Variants in UGT1A8 observed in about 807,000 individuals in gnomAD.
UGT1A8 encodes UDP glucuronosyltransferase family 1 member A8.
A neutral mutation model predicts 45.3 loss-of-function variants in UGT1A8; 39 were observed. The observed-to-expected ratio is 0.86, with a 90% CI of 0.67 to 1.12. UGT1A8 has a LOEUF of 1.12. Ranked by LOEUF, UGT1A8 falls within the 50% of genes most tolerant of loss-of-function variation. The pLI is 0.00. For missense variants in UGT1A8, 719 were observed against 664.9 expected, an observed-to-expected ratio of 1.08 and a Z score of -0.90; for synonymous variants, 275 against 249.2, an observed-to-expected ratio of 1.10 and a Z score of -0.97.
At chr2:233,634,511 G>A (rs2073243705) in intron 1 of UGT1A8, among the ~76,000 whole-genome samples, 1 of 152,100 alleles carries the variant, frequency 6.6e-6, no homozygotes, top group Non-Finnish European at 1.5e-5. Context: ...TATATATTTA[G>A]GATGGTTAGC....
At chr2:233,641,857 C>T (rs572016752) in intron 1 of UGT1A8, among the ~76,000 whole-genome samples, 2 of 152,162 alleles carry the variant, frequency 1.3e-5, no homozygotes, top group Non-Finnish European at 2.9e-5. Flanking sequence ...AAGGGTTCCA[C>T]TGAAAAGGCT....
intron 1 of UGT1A8, among the ~76,000 whole-genome samples, chr2:233,674,271 G>T (rs1321393830): frequency 6.6e-6 from 1 of 152,186 alleles, no homozygotes. Context: ...GACTACAGTT[G>T]TAGGCCTTTC....
intron 1 of UGT1A8, among the ~76,000 whole-genome samples, chr2:233,715,240 A>T (rs2076440317): frequency 6.6e-6 from 1 of 152,092 alleles, no homozygotes; most frequent in African/African-American, 2.4e-5. Flanking sequence ...TCTGTGAAGG[A>T]TGTCTTTTAA....
intron 1 of UGT1A8, chr2:233,693,983 G>A (rs1179737646): frequency 9.7e-6 from 15 of 1,552,110 alleles, no homozygotes; most frequent in African/African-American, 1.4e-5. Context: ...ACGGTGGGGG[G>A]AAGTGATACC....
chr2:233,695,229 G>A (rs1218832857), intron 1 of UGT1A8, among the ~76,000 whole-genome samples: 1 of 151,334 alleles, frequency 6.6e-6, no homozygotes. Context: ...GGGTTCAAGC[G>A]ATTCTCCTGC....
rs537974224 is a variant in UGT1A8 at position 233,641,434 on chromosome 2, A to T, written c.855+22872A>T. On this transcript the variant is annotated intron_variant, in intron 1 of 4. Transcript: ENST00000373450. ...GCTCCCTACTTTTTAACTCTTTGTG[A>T]TTTTCATTTATATCTTGTTGTACTG... 2.1e-4 allele frequency among the ~76,000 whole-genome samples: 32 copies of T among 152,172 alleles called. No homozygotes were observed. In the South Asian group the frequency reaches 6.4e-3, roughly 31 times the overall value.
At chr2:233,720,989 G>A (rs570345451) in intron 1 of UGT1A8, among the ~76,000 whole-genome samples, 1 of 151,692 alleles carries the variant, frequency 6.6e-6, no homozygotes, top group Non-Finnish European at 1.5e-5. Flanking sequence ...GGGATTACAG[G>A]CAAGAGCCAC....
intron 1 of UGT1A8, chr2:233,690,481 G>C (rs1415950163): frequency 7.8e-7 from 1 of 1,288,704 alleles, no homozygotes; most frequent in Non-Finnish European, 1.0e-6. Flanking sequence ...TACTTTTTGG[G>C]AAATCTGCTC....
At chr2:233,743,723 T>C (rs1252847371) in intron 1 of UGT1A8, 5 of 1,367,380 alleles carry the variant, frequency 3.7e-6, no homozygotes, top group South Asian at 2.3e-5. Flanking sequence ...ATAGCGGTCA[T>C]AGATATCGCG....
chr2:233,772,230 T>C (rs1167373810), intron 4 of UGT1A8, 32 bp from the exon 5 acceptor site: 1 of 1,613,798 alleles, frequency 6.2e-7, no homozygotes. Flanking sequence ...CCACAGGTGT[T>C]CCAGGCATAA....
chr2:233,675,199 C>T (rs571502829), intron 1 of UGT1A8, among the ~76,000 whole-genome samples: 5 of 152,178 alleles, frequency 3.3e-5, no homozygotes, highest in South Asian at 2.1e-4. Flanking sequence ...CAGATGGCCC[C>T]GTCTTCAATG....
intron 1 of UGT1A8, chr2:233,755,525 C>T (rs1695949883): frequency 6.3e-6 from 1 of 159,908 alleles, no homozygotes; most frequent in South Asian, 1.8e-4. Flanking sequence ...CTCCGGCCTC[C>T]AACCAGCCAT....
chr2:233,695,707 A>C (rs767200635), intron 1 of UGT1A8, among the ~76,000 whole-genome samples: 1 of 152,126 alleles, frequency 6.6e-6, no homozygotes, highest in African/African-American at 2.4e-5. Context: ...TTCACCTAAC[A>C]TAATGACTTC....
intron 1 of UGT1A8, among the ~76,000 whole-genome samples, chr2:233,704,514 T>C (rs977723467): frequency 2.6e-5 from 4 of 152,204 alleles, no homozygotes; most frequent in African/African-American, 9.7e-5. Context: ...TACATCTATA[T>C]ATGTTACAAA....
Position 233,772,456 on chromosome 2 carries a change from T to C in UGT1A8, c.1490T>C (p.Leu497Pro), listed in dbSNP as rs763440969. ...ATTGGTTTCCTCTTGGCCGTCGTGCTGACAGTGGCCTTCATCACCTTTAAA... is the reference window on the plus strand; with the variant it reads ...ATTGGTTTCCTCTTGGCCGTCGTGCCGACAGTGGCCTTCATCACCTTTAAA... ...DVIGFLLAVV[L>P]TVAFITFKCC... Residue 497 changes from leucine to proline, a missense_variant, in exon 5 of 5, where the codon CTG (leucine) becomes CCG (proline). Physicochemically the swap from Leu to Pro is moderately conservative, Grantham distance 98. Coordinates refer to ENST00000373450, the MANE Select transcript of UGT1A8 (RefSeq NM_019076.5). The C allele has an allele frequency of 4.3e-6, 7 of 1,614,218 alleles. No individual in the cohort carries two copies. The highest frequency in any genetic ancestry group is 5.9e-6 in the Non-Finnish European group (7 of 1,180,044).
chr2:233,672,485 C>T (rs545447386), intron 1 of UGT1A8: 1 of 1,613,948 alleles, frequency 6.2e-7, no homozygotes, highest in South Asian at 1.1e-5. Flanking sequence ...GCACAGTGCC[C>T]TGCTCCTCTT....
chr2:233,720,111 A>T (rs375337580), intron 1 of UGT1A8, among the ~76,000 whole-genome samples: 1 of 152,208 alleles, frequency 6.6e-6, no homozygotes, highest in African/African-American at 2.4e-5. Context: ...ATCTTGCGAA[A>T]GATACAGAGG....
chr2:233,724,896 C>T lies in UGT1A8; in HGVS notation c.856-42138C>T, dbSNP rs1575557571. 1.5e-5 allele frequency among the ~76,000 whole-genome samples: 2 copies of T among 137,598 alleles called. 1 individual carries two copies. The highest frequency in any genetic ancestry group is 4.4e-4 in the East Asian group (2 of 4,596). The allele number at this position is 137,598 out of a possible 152,430, so 90.3% of individuals were successfully genotyped here. A position where few individuals can be genotyped will look rare whatever the true frequency, so the allele number is the denominator to read the frequency against. On this transcript the variant is annotated intron_variant, in intron 1 of 4. Coordinates refer to ENST00000373450, the MANE Select transcript of UGT1A8 (RefSeq NM_019076.5). ...GAGCGGAGATCACGCCACTGCACTC[C>T]AGCCTGGGCACCATTGAGCACTGAG...
intron 1 of UGT1A8, among the ~76,000 whole-genome samples, chr2:233,724,169 C>CA (rs1420710950): frequency 7.9e-6 from 1 of 127,094 alleles, no homozygotes; most frequent in Admixed American, 7.4e-5. Flanking sequence ...GGCTGACCCC[C>CA]CCATCTCCCT....
Sources: gnomAD v4.1 joint callset for allele counts (sites outside exome capture counted in the v4.1 genomes callset) on GRCh38, gnomAD v4.1.1 for gene constraint, MANE v1.5 for transcripts, NCBI Gene and HGNC (gene_info 2026-07-23, HGNC 2026-07-21) for gene names.